Variants in EGLN1 observed in about 807,000 individuals in gnomAD.
EGLN1 encodes the protein egl nine homolog 1.
EGLN1 carries 17 observed loss-of-function variants against 38.3 expected under a neutral mutation model. The ratio of observed to expected loss-of-function variants is 0.44; its 90% CI spans 0.30 to 0.67. EGLN1 has a LOEUF of 0.67. EGLN1 is among the 30% of genes least tolerant of loss of function. The pLI, the probability that EGLN1 is intolerant of heterozygous loss-of-function variation, is 0.08. For missense variants in EGLN1, 477 were observed against 603.3 expected (o/e 0.79, Z 2.19); for synonymous variants, 283 against 257.5 (o/e 1.10, Z -0.95).
chr1:231,384,343 G>A (rs1688142310), intron 1 of EGLN1, among the ~76,000 whole-genome samples: 2 of 150,098 alleles, frequency 1.3e-5, no homozygotes, highest in African/African-American at 4.9e-5. Flanking sequence ...GGAAAAGAAA[G>A]AGAAAAAATT....
intron 1 of EGLN1, among the ~76,000 whole-genome samples, chr1:231,390,385 AC>A (rs1272020589): frequency 6.6e-6 from 1 of 152,242 alleles, no homozygotes; most frequent in Non-Finnish European, 1.5e-5. Context: ...AAGAGAGTCT[AC>A]TATGTGCCAC....
chr1:231,397,115 T>C (rs935293554), intron 1 of EGLN1, among the ~76,000 whole-genome samples: 2 of 152,180 alleles, frequency 1.3e-5, no homozygotes, highest in Admixed American at 1.3e-4. Flanking sequence ...CTCTAAATCC[T>C]TCCATAGCTC....
chr1:231,411,781 G>A (rs1345440821), intron 1 of EGLN1, among the ~76,000 whole-genome samples: 1 of 151,762 alleles, frequency 6.6e-6, no homozygotes, highest in African/African-American at 2.4e-5. Context: ...GGCGGATCAC[G>A]AGGTCAGGAG....
At chr1:231,390,781 C>G (rs1404417504) in intron 1 of EGLN1, among the ~76,000 whole-genome samples, 1 of 152,202 alleles carries the variant, frequency 6.6e-6, no homozygotes, top group South Asian at 2.1e-4. Context: ...CCTGTCCTTG[C>G]TCCACTACTT....
chr1:231,376,986 C>T (rs963231719), intron 1 of EGLN1, among the ~76,000 whole-genome samples: 4 of 152,144 alleles, frequency 2.6e-5, no homozygotes, highest in African/African-American at 9.7e-5. Flanking sequence ...GCTTGGTAAG[C>T]CACAGGAAGG....
At chr1:231,394,830 T>C (rs929789185) in intron 1 of EGLN1, among the ~76,000 whole-genome samples, 1 of 152,172 alleles carries the variant, frequency 6.6e-6, no homozygotes, top group African/African-American at 2.4e-5. Flanking sequence ...TGTCATCTCA[T>C]TTCCCTCAAT....
intron 1 of EGLN1, among the ~76,000 whole-genome samples, chr1:231,411,688 C>A (rs915525406): frequency 6.6e-6 from 1 of 152,072 alleles, no homozygotes; most frequent in East Asian, 1.9e-4. Context: ...AAAAGCAAGG[C>A]TTCCTATGCT....
intron 1 of EGLN1, among the ~76,000 whole-genome samples, chr1:231,389,706 T>TG (rs976922062): frequency 2.6e-5 from 4 of 152,110 alleles, no homozygotes; most frequent in East Asian, 1.9e-4. Context: ...CCCAGCACTT[T>TG]GGGGGGCCGA....
chr1:231,383,703 A>G (rs1261956202), intron 1 of EGLN1, among the ~76,000 whole-genome samples: 3 of 152,130 alleles, frequency 2.0e-5, no homozygotes, highest in Non-Finnish European at 4.4e-5. Flanking sequence ...CAGCTCAAAA[A>G]GGCTCTCACT....
intron 1 of EGLN1, among the ~76,000 whole-genome samples, chr1:231,395,041 G>A (rs1688486249): frequency 6.6e-6 from 1 of 152,146 alleles, no homozygotes; most frequent in Non-Finnish European, 1.5e-5. Flanking sequence ...CGTTCTTCAT[G>A]TCTTCCAACA....
At position 231,384,419 on chromosome 1, in the gene EGLN1, C is replaced by T. The variant is rs146936362; in HGVS notation, c.892-10320G>A. ...AGCATTACGAAGAAAAAAAAAAACA[C>T]GCAATAGGGAATATAATGCTAGAAT... On this transcript the variant is annotated intron_variant, in intron 1 of 4. Transcript: ENST00000366641. Among the ~76,000 whole-genome samples, 1,164 of 144,226 alleles carry T rather than the reference C, an allele frequency of 8.1e-3. 7 individuals carry two copies. The highest frequency in any genetic ancestry group is 0.012 in the Non-Finnish European group (808 of 65,628). 94.6% of individuals were successfully genotyped at this position (144,226 alleles called of 152,430 possible).
chr1:231,376,777 T>C (rs530798038), intron 1 of EGLN1, among the ~76,000 whole-genome samples: 3 of 152,254 alleles, frequency 2.0e-5, no homozygotes, highest in African/African-American at 7.2e-5. Flanking sequence ...TCTTGAACAG[T>C]GGTTGACATT....
intron 1 of EGLN1, among the ~76,000 whole-genome samples, chr1:231,399,799 A>G (rs896512529): frequency 6.6e-6 from 1 of 152,134 alleles, no homozygotes; most frequent in Non-Finnish European, 1.5e-5. Context: ...TGCATCCTAC[A>G]TTCTTGACCA....
chr1:231,373,944 G>A (rs1687892711), intron 2 of EGLN1, 36 bp downstream of exon 2: 1 of 1,611,088 alleles, frequency 6.2e-7, no homozygotes, highest in African/African-American at 1.3e-5. Flanking sequence ...AAAGACACCT[G>A]TAAGAAAAAA....
chr1:231,387,166 A>G (rs888115152), intron 1 of EGLN1, among the ~76,000 whole-genome samples: 3 of 151,656 alleles, frequency 2.0e-5, no homozygotes, highest in Non-Finnish European at 4.4e-5. Context: ...GTCAAAAAAA[A>G]AAAAATTGAA....
At chr1:231,383,057 CAAAAAAAAAAAAAA>C (rs547747077) in intron 1 of EGLN1, among the ~76,000 whole-genome samples, 12 of 70,550 alleles carry the variant, frequency 1.7e-4, no homozygotes, top group African/African-American at 6.3e-4. Context: ...AACTCTGTCT[CAAAAAAAAAAAAAA>C]AAAAAAAAAA....
intron 1 of EGLN1, among the ~76,000 whole-genome samples, chr1:231,385,617 T>C (rs1688185124): frequency 6.6e-6 from 1 of 152,092 alleles, no homozygotes; most frequent in African/African-American, 2.4e-5. Flanking sequence ...CCCAAAAGCT[T>C]AGTAAGCCCC....
rs1469039526 is a variant in EGLN1 at position 231,421,700 on chromosome 1, G to T, written c.189C>A (p.Gly63=). ...KHKLVCQGSE[G]ALGHGVGPHQ... ...GTGGGCCCACTCCGTGGCCGAGGGC[G>T]CCCTCGCTGCCCTGGCACACGAGCT... The change falls in exon 1 of 5, where the codon GGC becomes GGA. Residue 63 remains glycine, a synonymous_variant. Transcript: ENST00000366641. This position sits in a 1 kb window ranked among gnomAD's most constrained non-coding sequence, Gnocchi z 5.5. 2.0e-6 allele frequency: 3 copies of T among 1,513,800 alleles called. No homozygotes were observed. In the South Asian group the frequency reaches 3.6e-5, roughly 18 times the overall value. 93.8% of individuals were successfully genotyped at this position (1,513,800 alleles called of 1,614,324 possible).
chr1:231,387,610 C>T (rs112136754), intron 1 of EGLN1, among the ~76,000 whole-genome samples: 3,380 of 152,178 alleles, frequency 0.022, 79 homozygotes, highest in African/African-American at 0.053. Context: ...CTGCCCGCCT[C>T]GGCCTCCCAA....
Sources: allele counts gnomAD v4.1 joint callset (sites outside exome capture counted in the v4.1 genomes callset), GRCh38; gene constraint gnomAD v4.1.1; non-coding constraint Gnocchi (gnomAD v3.1); transcripts MANE v1.5; gene names NCBI Gene and HGNC (gene_info 2026-07-23, HGNC 2026-07-21).